The following SGSM1 variants were observed in gnomAD, a reference collection of about 807,000 sequenced individuals.
SGSM1 encodes the protein small G protein signaling modulator 1, also known as RUN and TBC1 domain containing 2.
In SGSM1, 73 loss-of-function variants were observed where a neutral mutation model predicts 133.8. The observed-to-expected ratio is 0.55, with a 90% CI of 0.45 to 0.66. The LOEUF is 0.66. SGSM1 is among the 30% of genes least tolerant of loss of function. SGSM1 has a pLI of 0.00. For synonymous variants in SGSM1, 563 were observed against 573.0 expected (o/e 0.98, Z 0.25); for missense variants, 1,213 against 1,448.1 (o/e 0.84, Z 2.64).
chr22:24,818,443 A>C (rs73407218), intron 2 of SGSM1, among the ~76,000 whole-genome samples: 42,401 of 149,960 alleles, frequency 0.28, 6,584 homozygotes, highest in East Asian at 0.59. Flanking sequence ...TCTCGGCTCA[A>C]TGAAGCCTCT....
intron 2 of SGSM1, chr22:24,843,720 A>C (rs2147831898): frequency 6.6e-6 from 1 of 152,320 alleles, no homozygotes; most frequent in Non-Finnish European, 1.5e-5. Context: ...AGGCTGCCAG[A>C]GGATCAACAC....
chr22:24,890,066 T>C (rs1406604870), intron 16 of SGSM1, among the ~76,000 whole-genome samples: 169 of 137,264 alleles, frequency 1.2e-3, no homozygotes, highest in Middle Eastern at 9.7e-3. Context: ...ACGCCATTCT[T>C]CTGCCTCAGC....
intron 2 of SGSM1, among the ~76,000 whole-genome samples, chr22:24,819,368 C>T (rs1431104245): frequency 6.6e-6 from 1 of 152,178 alleles, no homozygotes; most frequent in African/African-American, 2.4e-5. Flanking sequence ...CTGATGATAA[C>T]GTGGGACAGC....
chr22:24,890,708 T>C (rs1290118771), intron 16 of SGSM1, among the ~76,000 whole-genome samples: 1 of 152,018 alleles, frequency 6.6e-6, no homozygotes, highest in Non-Finnish European at 1.5e-5. Context: ...GTCCGGCTAA[T>C]GTTTTTTGTA....
chr22:24,914,073 G>C (rs548968193), intron 22 of SGSM1, among the ~76,000 whole-genome samples: 1 of 152,014 alleles, frequency 6.6e-6, no homozygotes, highest in East Asian at 1.9e-4. Context: ...GGCGGATCAC[G>C]AGGTCAGGAG....
intron 24 of SGSM1, among the ~76,000 whole-genome samples, chr22:24,920,462 G>A (rs1197287084): frequency 1.3e-5 from 2 of 152,152 alleles, no homozygotes; most frequent in Non-Finnish European, 2.9e-5. Flanking sequence ...GTGTGACTTT[G>A]TCCAAGTGAC....
intron 8 of SGSM1, among the ~76,000 whole-genome samples, chr22:24,857,655 G>T (rs79310197): frequency 6.6e-6 from 1 of 152,156 alleles, no homozygotes; most frequent in African/African-American, 2.4e-5. Context: ...TCCATCTTCC[G>T]TATCACTTTT....
chr22:24,867,838 C>T (rs1428605490), intron 10 of SGSM1, among the ~76,000 whole-genome samples: 1 of 152,132 alleles, frequency 6.6e-6, no homozygotes, highest in African/African-American at 2.4e-5. Context: ...AGCTGTGTGA[C>T]CTTGGAGAAG....
At chr22:24,921,610 A>G (rs1156813149) in intron 24 of SGSM1, among the ~76,000 whole-genome samples, 3 of 152,164 alleles carry the variant, frequency 2.0e-5, no homozygotes, top group Admixed American at 2.0e-4. Flanking sequence ...CCAGGCCAAA[A>G]GTTTCATTTA....
chr22:24,842,449 A>T (rs952264591), intron 2 of SGSM1, among the ~76,000 whole-genome samples: 8 of 152,150 alleles, frequency 5.3e-5, no homozygotes, highest in African/African-American at 1.7e-4. Context: ...TTTTCAAATA[A>T]AATACTCTAC....
chr22:24,856,279 A>G (rs1236217897), intron 8 of SGSM1, among the ~76,000 whole-genome samples: 2 of 152,206 alleles, frequency 1.3e-5, no homozygotes, highest in African/African-American at 2.4e-5. Context: ...TTTCAACTGT[A>G]TTAACTCTTA....
At chr22:24,874,384 C>A (rs760203209) in intron 12 of SGSM1, 16 of 1,583,180 alleles carry the variant, frequency 1.0e-5, no homozygotes, top group Middle Eastern at 3.4e-4. Context: ...GAACCCCCAC[C>A]TCACTGGTTC....
intron 9 of SGSM1, among the ~76,000 whole-genome samples, chr22:24,866,037 T>G (rs144543097): frequency 6.6e-6 from 1 of 152,282 alleles, no homozygotes; most frequent in Non-Finnish European, 1.5e-5. Context: ...CAGCAAGGTC[T>G]TCTGAAGGAG....
At chr22:24,876,035 G>C (rs1932008757) in intron 12 of SGSM1, among the ~76,000 whole-genome samples, 1 of 152,212 alleles carries the variant, frequency 6.6e-6, no homozygotes, top group Non-Finnish European at 1.5e-5. Flanking sequence ...TGATTTTAGG[G>C]AGTTGCTAAT....
chr22:24,909,735 C>T (rs1393949975), intron 21 of SGSM1, among the ~76,000 whole-genome samples: 1 of 152,162 alleles, frequency 6.6e-6, no homozygotes, highest in Admixed American at 6.6e-5. Context: ...GGATTACAGG[C>T]GTGAGCGACC....
chr22:24,838,020 A>G (rs571112318), intron 2 of SGSM1, among the ~76,000 whole-genome samples: 27 of 152,280 alleles, frequency 1.8e-4, no homozygotes, highest in Admixed American at 5.9e-4. Flanking sequence ...CACCCACACA[A>G]TGTCATGAAG....
chr22:24,855,467 T>A (rs1290933611), intron 7 of SGSM1, 37 bp downstream of exon 7: 1 of 1,613,046 alleles, frequency 6.2e-7, no homozygotes, highest in Non-Finnish European at 8.5e-7. Context: ...GGGAGGGACC[T>A]TACATGAGGG....
intron 24 of SGSM1, among the ~76,000 whole-genome samples, chr22:24,923,777 C>A (rs528276342): frequency 1.2e-4 from 19 of 152,270 alleles, no homozygotes; most frequent in African/African-American, 4.3e-4. Flanking sequence ...CATGCGCCAC[C>A]ACACCCGACT....
intron 2 of SGSM1, among the ~76,000 whole-genome samples, chr22:24,822,325 C>T (rs1408208248): frequency 2.0e-5 from 3 of 152,044 alleles, no homozygotes; most frequent in Non-Finnish European, 2.9e-5. Flanking sequence ...ATCTCCTGAC[C>T]TCCTGATCTG....
Sources: gnomAD v4.1 joint callset for allele counts (sites outside exome capture counted in the v4.1 genomes callset) on GRCh38, gnomAD v4.1.1 for gene constraint, MANE v1.5 for transcripts, NCBI Gene and HGNC (gene_info 2026-07-23, HGNC 2026-07-21) for gene names.